NFATC2: variants seen among roughly 807,000 people sequenced by gnomAD.
The protein encoded by NFATC2 is nuclear factor of activated T-cells, cytoplasmic 2.
In NFATC2, 22 loss-of-function variants were observed where a neutral mutation model predicts 87.3. That is an observed-to-expected ratio of 0.25 (90% CI 0.18 to 0.36). NFATC2 has a LOEUF of 0.36. Among genes scored for constraint, NFATC2 ranks in the 10% least tolerant of loss-of-function variants. NFATC2 has a pLI of 1.00. For missense variants in NFATC2, 1,149 were observed against 1,259.1 expected (o/e 0.91, Z 1.32); for synonymous variants, 565 against 542.2 (o/e 1.04, Z -0.58).
chr20:51,520,436 C>CT (rs35265197), intron 2 of NFATC2, among the ~76,000 whole-genome samples: 55,474 of 139,450 alleles, frequency 0.4, 10,715 homozygotes, highest in Non-Finnish European at 0.43. Context: ...TCAGGATTTT[C>CT]TTTTTTTTTT....
At position 51,524,881 on chromosome 20, in the gene NFATC2, C is replaced by G. The variant is rs898162813; in HGVS notation, c.131-771G>C. 6.6e-6 allele frequency among the ~76,000 whole-genome samples: 1 copy of G among 152,158 alleles called. No homozygotes were observed. Among genetic ancestry groups the G allele is most frequent in the Non-Finnish European group, 1.5e-5 (1 of 68,030 alleles). Reference sequence around the variant, plus strand: ...GGCAAGCCACTTGCCCCCCAACAGGCAGGGTCACTGCTACAGAGGTTACCT... The same window carrying G: ...GGCAAGCCACTTGCCCCCCAACAGGGAGGGTCACTGCTACAGAGGTTACCT... On this transcript the variant is annotated intron_variant, in intron 1 of 10. Coordinates refer to ENST00000371564, the MANE Select transcript of NFATC2 (RefSeq NM_012340.5). This position sits in a 1 kb window ranked among gnomAD's most constrained non-coding sequence, Gnocchi z 4.0.
At chr20:51,521,603 G>A (rs1468240780) in intron 2 of NFATC2, among the ~76,000 whole-genome samples, 9 of 152,230 alleles carry the variant, frequency 5.9e-5, no homozygotes, top group Non-Finnish European at 8.8e-5. Flanking sequence ...TTACAGGCGT[G>A]AGCCACCGCA....
chr20:51,519,914 TAA>T (rs764620449), intron 2 of NFATC2, among the ~76,000 whole-genome samples: 66 of 128,314 alleles, frequency 5.1e-4, no homozygotes, highest in Non-Finnish European at 5.0e-4. Flanking sequence ...AGACTCCATC[TAA>T]AAAAAAAAAA....
chr20:51,422,399 G>A (rs990343242), intron 9 of NFATC2, among the ~76,000 whole-genome samples: 1 of 152,138 alleles, frequency 6.6e-6, no homozygotes, highest in Non-Finnish European at 1.5e-5. Flanking sequence ...ACTTCATCTA[G>A]AGAAAGATTC....
chr20:51,408,507 CTT>C (rs760936981), intron 9 of NFATC2, among the ~76,000 whole-genome samples: 4,241 of 44,316 alleles, frequency 0.096, 149 homozygotes, highest in East Asian at 0.29. Context: ...GAGCAAGACT[CTT>C]TTTAAAAAAA....
chr20:51,561,486 A>G, intron 1 of NFATC2, among the ~76,000 whole-genome samples: 1 of 72,962 alleles, frequency 1.4e-5, no homozygotes, highest in Non-Finnish European at 2.9e-5. Flanking sequence ...AAAGAAAGAA[A>G]GCAAGCAAGC....
intron 6 of NFATC2, among the ~76,000 whole-genome samples, chr20:51,447,689 G>C (rs1985249022): frequency 6.6e-6 from 1 of 152,232 alleles, no homozygotes; most frequent in Admixed American, 6.5e-5. Context: ...CTGAAGTCAG[G>C]AACAGCCTGG....
In NFATC2 at chr20:51,432,365, C is replaced by T. The variant is rs56134715; in HGVS notation, c.2424G>A (p.Ser808=). The change falls in exon 9 of 11, where the codon TCG becomes TCA. Residue 808 remains serine (S), a synonymous_variant. Transcript: ENST00000371564. This position sits in a 1 kb window ranked among gnomAD's most constrained non-coding sequence, Gnocchi z 4.6. ...LHPSPTNQQA[S]PVIHYSPTNQ... ...TGGTGGGTGAGTAGTGGATCACAGG[C>T]GAGGCCTGCTGGTTGGTCGGAGAGG... 8.4e-5 allele frequency: 136 copies of T among 1,612,984 alleles called. No individual in the cohort carries two copies. In the East Asian group the frequency reaches 2.6e-3, roughly 31 times the overall value.
At chr20:51,525,981 T>G (rs1310824337) in intron 1 of NFATC2, among the ~76,000 whole-genome samples, 1 of 144,998 alleles carries the variant, frequency 6.9e-6, no homozygotes, top group Non-Finnish European at 1.5e-5. Context: ...TCCAACCTCT[T>G]CGCCGTACTT....
intron 3 of NFATC2, among the ~76,000 whole-genome samples, chr20:51,492,977 G>C (rs934847506): frequency 6.6e-6 from 1 of 152,234 alleles, no homozygotes; most frequent in Non-Finnish European, 1.5e-5. Flanking sequence ...GAGGCTCCAG[G>C]AGGATGCGAT....
At position 51,562,145 on chromosome 20, in the gene NFATC2, T is replaced by C. The variant is rs1429103087; in HGVS notation, c.70+415A>G. Among the ~76,000 whole-genome samples the C allele has an allele frequency of 6.6e-6, 1 of 152,196 alleles. No homozygotes were observed. The highest frequency in any genetic ancestry group is 1.5e-5 in the Non-Finnish European group (1 of 68,026). ...GCTGTATAGTAAAATGCCAAGCCTG[T>C]TCTCTTAAAAGAAAAAAAAGTAATA... On this transcript the variant is annotated intron_variant, in intron 1 of 10. Transcript: ENST00000414705. The surrounding 1 kb of genome is among the most constrained non-coding windows in gnomAD (Gnocchi z 5.8).
chr20:51,521,696 G>A (rs568197435), intron 2 of NFATC2, among the ~76,000 whole-genome samples: 1 of 152,340 alleles, frequency 6.6e-6, no homozygotes, highest in South Asian at 2.1e-4. Flanking sequence ...GAAAACCACA[G>A]GGATCGTGGT....
At chr20:51,438,053 C>T (rs912619395) in intron 6 of NFATC2, among the ~76,000 whole-genome samples, 6 of 152,292 alleles carry the variant, frequency 3.9e-5, no homozygotes, top group Admixed American at 6.5e-5. Context: ...GGATGGACAT[C>T]GAGGAATTGG....
chr20:51,547,460 G>T (rs1362363665), upstream of NFATC2, among the ~76,000 whole-genome samples: 4 of 152,116 alleles, frequency 2.6e-5, no homozygotes, highest in Admixed American at 2.6e-4. Context: ...AGGTGGCTCT[G>T]CGTCCCCAGG....
chr20:51,547,885 A>T (rs1466454739), intron 1 of NFATC2, among the ~76,000 whole-genome samples: 2 of 152,124 alleles, frequency 1.3e-5, no homozygotes, highest in African/African-American at 4.8e-5. Flanking sequence ...CCTCCCAAGA[A>T]TTCAGGCCTT....
chr20:51,556,372 G>A (rs888091201), intron 1 of NFATC2, among the ~76,000 whole-genome samples: 7 of 152,106 alleles, frequency 4.6e-5, no homozygotes, highest in East Asian at 1.9e-4. Flanking sequence ...CAAGTCGTTC[G>A]CAACTCCATT....
chr20:51,432,777 A>G lies in NFATC2; in HGVS notation c.2033-21T>C, dbSNP rs376281721. On this transcript the variant is annotated intron_variant, in intron 8 of 10. Transcript: ENST00000371564. This position sits in a 1 kb window ranked among gnomAD's most constrained non-coding sequence, Gnocchi z 4.6. Reference sequence around the variant, plus strand: ...TGGGACTGGGAGGAGAAAAGAGCACATAGGGGCGCCCATGGCAGTGAGCCA... The same window carrying G: ...TGGGACTGGGAGGAGAAAAGAGCACGTAGGGGCGCCCATGGCAGTGAGCCA... 3.0e-5 allele frequency: 46 copies of G among 1,536,752 alleles called. No individual in the cohort carries two copies. The highest frequency in any genetic ancestry group is 4.0e-5 in the Non-Finnish European group (46 of 1,151,304).
chr20:51,531,370 G>C (rs2076630957), intron 1 of NFATC2, among the ~76,000 whole-genome samples: 1 of 152,246 alleles, frequency 6.6e-6, no homozygotes, highest in South Asian at 2.1e-4. Context: ...GCAGACACCT[G>C]AAAGTTCTCA....
chr20:51,394,851 C>T (rs1392635377), intron 10 of NFATC2, among the ~76,000 whole-genome samples: 1 of 150,988 alleles, frequency 6.6e-6, no homozygotes, highest in Admixed American at 6.6e-5. Context: ...AATGGGGCCA[C>T]GTGCAGTGTT....
Sources: allele counts gnomAD v4.1 joint callset (sites outside exome capture counted in the v4.1 genomes callset), GRCh38; gene constraint gnomAD v4.1.1; non-coding constraint Gnocchi (gnomAD v3.1); transcripts MANE v1.5; gene names NCBI Gene and HGNC (gene_info 2026-07-23, HGNC 2026-07-21).